The following DCC variants were observed in gnomAD, a reference collection of about 807,000 sequenced individuals.
DCC encodes the protein netrin receptor DCC.
DCC carries 58 observed loss-of-function variants against 172.5 expected under a neutral mutation model. The ratio of observed to expected loss-of-function variants is 0.34; its 90% CI spans 0.27 to 0.42. The LOEUF is 0.42. Among genes scored for constraint, DCC ranks in the 10% least tolerant of loss-of-function variants. The probability of loss-of-function intolerance (pLI) is 1.00; values close to 1 mark genes in which losing one functional copy is unlikely to be tolerated. For synonymous variants in DCC, 709 were observed against 644.5 expected, an observed-to-expected ratio of 1.10 and a Z score of -1.52; for missense variants, 1,740 against 1,791.0, an observed-to-expected ratio of 0.97 and a Z score of 0.51.
intron 1 of DCC, among the ~76,000 whole-genome samples, chr18:52,342,988 A>G (rs72914961): frequency 0.093 from 14,225 of 152,300 alleles, 816 homozygotes; most frequent in Middle Eastern, 0.17. Flanking sequence ...GATGTAAGGA[A>G]GGGATACATA....
intron 1 of DCC, among the ~76,000 whole-genome samples, chr18:52,572,738 G>A (rs146180580): frequency 1.3e-3 from 205 of 152,290 alleles, no homozygotes; most frequent in African/African-American, 4.8e-3. Context: ...AAAGGTCAAC[G>A]GGAAGAACAG....
At chr18:53,202,771 T>C (rs372943237) in intron 9 of DCC, among the ~76,000 whole-genome samples, 41 of 152,300 alleles carry the variant, frequency 2.7e-4, no homozygotes, top group African/African-American at 8.9e-4. Flanking sequence ...TGTGATGCCC[T>C]GAGAACAGAT....
In DCC at chr18:53,351,470, A is replaced by ATATATATATATATACACAGTG. The variant is rs1568075556; in HGVS notation, c.2359+11577_2359+11578insCACAGTGTATATATATATATA. Among the ~76,000 whole-genome samples, 225 of 35,140 alleles carry ATATATATATATATACACAGTG rather than the reference A, an allele frequency of 6.4e-3. 3 individuals are homozygous for ATATATATATATATACACAGTG. Among genetic ancestry groups the ATATATATATATATACACAGTG allele is most frequent in the Non-Finnish European group, 9.6e-3 (154 of 15,970 alleles). The allele number at this position is 35,140 out of a possible 152,430, so 23.1% of individuals were successfully genotyped here. On this transcript the variant is annotated intron_variant, in intron 15 of 28. Coordinates refer to ENST00000442544, the MANE Select transcript of DCC (RefSeq NM_005215.4). ...ATATATATATATACACAGTGTGTATATATATATATATATATATATAGTGTG... is the reference window on the plus strand; with the variant it reads ...ATATATATATATACACAGTGTGTATATATATATATATATACACAGTGTATATATATATATATATATAGTGTG...
chr18:52,690,351 T>C (rs2035912469), intron 1 of DCC, among the ~76,000 whole-genome samples: 1 of 152,010 alleles, frequency 6.6e-6, no homozygotes, highest in Non-Finnish European at 1.5e-5. Flanking sequence ...CGGAAGAGGA[T>C]TGAGGGCAGT....
chr18:52,995,008 A>G (rs1745269341), intron 5 of DCC, among the ~76,000 whole-genome samples: 2 of 152,172 alleles, frequency 1.3e-5, no homozygotes. Flanking sequence ...AACTAACAGC[A>G]TTTTAAGATA....
At chr18:52,963,169 G>A (rs1210364104) in intron 5 of DCC, among the ~76,000 whole-genome samples, 2 of 151,678 alleles carry the variant, frequency 1.3e-5, no homozygotes, top group Non-Finnish European at 2.9e-5. Flanking sequence ...GCCAATTTGA[G>A]TAGACAGCTC....
intron 5 of DCC, among the ~76,000 whole-genome samples, chr18:52,980,810 A>G (rs1411871434): frequency 6.6e-6 from 1 of 152,166 alleles, no homozygotes; most frequent in East Asian, 1.9e-4. Context: ...ATCTCAAGAA[A>G]TAGTTAATTC....
chr18:52,447,743 C>T (rs1395612907), intron 1 of DCC, among the ~76,000 whole-genome samples: 1 of 152,052 alleles, frequency 6.6e-6, no homozygotes, highest in African/African-American at 2.4e-5. Context: ...GGAGCAGGCA[C>T]CTCACACAAC....
chr18:53,519,447 A>G (rs986997573), intron 27 of DCC, among the ~76,000 whole-genome samples: 5 of 151,990 alleles, frequency 3.3e-5, no homozygotes, highest in African/African-American at 1.2e-4. Context: ...TGATTTTTCC[A>G]ACTTCTCAGA....
chr18:53,276,774 A>G (rs1024219107), intron 12 of DCC, among the ~76,000 whole-genome samples: 40 of 152,160 alleles, frequency 2.6e-4, no homozygotes, highest in African/African-American at 9.7e-4. Flanking sequence ...TGAGAAATAA[A>G]TAAGATCTTT....
At chr18:52,554,860 C>T (rs1343619402) in intron 1 of DCC, among the ~76,000 whole-genome samples, 2 of 151,976 alleles carry the variant, frequency 1.3e-5, no homozygotes, top group Non-Finnish European at 2.9e-5. Context: ...GACATAGTTT[C>T]TGCTCTTAAA....
chr18:53,378,163 G>T (rs1000268803), intron 15 of DCC, among the ~76,000 whole-genome samples: 1 of 152,006 alleles, frequency 6.6e-6, no homozygotes, highest in Non-Finnish European at 1.5e-5. Flanking sequence ...GGTTTTGCCT[G>T]TTGGTCGGGC....
chr18:52,528,912 A>G (rs1261371404), intron 1 of DCC, among the ~76,000 whole-genome samples: 11 of 152,114 alleles, frequency 7.2e-5, no homozygotes, highest in Admixed American at 7.2e-4. Flanking sequence ...GATTTGCTAC[A>G]CTTGAGTTAC....
intron 2 of DCC, among the ~76,000 whole-genome samples, chr18:52,813,721 T>C (rs956184905): frequency 6.6e-6 from 1 of 152,148 alleles, no homozygotes; most frequent in Non-Finnish European, 1.5e-5. Context: ...TTGCCATCCC[T>C]AGTGTGGGTG....
intron 15 of DCC, among the ~76,000 whole-genome samples, chr18:53,362,221 G>T (rs777335354): frequency 6.6e-6 from 1 of 152,140 alleles, no homozygotes; most frequent in Admixed American, 6.6e-5. Flanking sequence ...TGTAGGACTT[G>T]TGCCTCTGTT....
At chr18:53,265,217 C>G (rs1007447927) in intron 12 of DCC, among the ~76,000 whole-genome samples, 2 of 152,172 alleles carry the variant, frequency 1.3e-5, no homozygotes, top group African/African-American at 4.8e-5. Flanking sequence ...GCACTAAGCT[C>G]TCTTAGCTGT....
intron 2 of DCC, among the ~76,000 whole-genome samples, chr18:52,854,532 AT>A (rs529515858): frequency 2.2e-4 from 33 of 152,348 alleles, no homozygotes; most frequent in African/African-American, 7.7e-4. Context: ...AGATAAAAAA[AT>A]ATTTTGAAAG....
intron 2 of DCC, among the ~76,000 whole-genome samples, chr18:52,834,155 C>T (rs1195562136): frequency 1.3e-5 from 2 of 151,856 alleles, no homozygotes; most frequent in African/African-American, 4.9e-5. Context: ...GAATATTAGC[C>T]TCATGCCTTC....
chr18:53,165,402 A>T (rs928916766), intron 8 of DCC, among the ~76,000 whole-genome samples: 3 of 152,158 alleles, frequency 2.0e-5, no homozygotes, highest in African/African-American at 7.2e-5. Context: ...TGGTGTTTAC[A>T]TATTCTTTCC....
Sources: gnomAD v4.1 joint callset for allele counts (sites outside exome capture counted in the v4.1 genomes callset) on GRCh38, gnomAD v4.1.1 for gene constraint, MANE v1.5 for transcripts, NCBI Gene and HGNC (gene_info 2026-07-23, HGNC 2026-07-21) for gene names.